The following ALDH1L2 variants were observed in gnomAD, a reference collection of about 807,000 sequenced individuals.
The protein encoded by ALDH1L2 is aldehyde dehydrogenase 1 family member L2, also known as mitochondrial 10-formyltetrahydrofolate dehydrogenase.
ALDH1L2 carries 91 observed loss-of-function variants against 111.0 expected under a neutral mutation model. The ratio of observed to expected loss-of-function variants is 0.82; its 90% CI spans 0.69 to 0.98. The LOEUF is 0.98. Ranked by LOEUF, ALDH1L2 falls within the 50% of genes least tolerant of loss-of-function variation. The probability of loss-of-function intolerance (pLI) is 0.00; values close to 1 mark genes in which losing one functional copy is unlikely to be tolerated. For synonymous variants in ALDH1L2, 374 were observed against 392.6 expected, an observed-to-expected ratio of 0.95 and a Z score of 0.56; for missense variants, 995 against 1,126.8, an observed-to-expected ratio of 0.88 and a Z score of 1.67.
At chr12:105,046,213 ATATATATATTTTTTTT>A (rs1875881054) in intron 15 of ALDH1L2, among the ~76,000 whole-genome samples, 1 of 43,392 alleles carries the variant, frequency 2.3e-5, no homozygotes, top group African/African-American at 1.0e-4. Flanking sequence ...ATATATATAT[ATATATATATTTTTTTT>A]TTTTTTTTTT....
At chr12:105,045,655 CTT>C (rs912959523) in intron 15 of ALDH1L2, among the ~76,000 whole-genome samples, 3 of 152,046 alleles carry the variant, frequency 2.0e-5, no homozygotes, top group South Asian at 2.1e-4. Flanking sequence ...CTCTTTGTAT[CTT>C]TTGAATTTTG....
intron 1 of ALDH1L2, among the ~76,000 whole-genome samples, chr12:105,082,988 C>A (rs1304896846): frequency 2.0e-5 from 3 of 152,300 alleles, no homozygotes; most frequent in Admixed American, 6.5e-5. Context: ...CCATATGCAC[C>A]CCTGCGTACA....
At chr12:105,055,915 C>A (rs1876597262) in intron 10 of ALDH1L2, among the ~76,000 whole-genome samples, 2 of 151,828 alleles carry the variant, frequency 1.3e-5, no homozygotes, top group Non-Finnish European at 2.9e-5. Context: ...TATGGGATAC[C>A]ATCAACTATA....
chr12:105,060,882 C>A, intron 9 of ALDH1L2, 99 bp downstream of exon 9: 11 of 735,784 alleles, frequency 1.5e-5, no homozygotes, highest in Non-Finnish European at 2.0e-5. Flanking sequence ...AAGGTAATCA[C>A]ATCCAGAACA....
At position 105,070,597 on chromosome 12, in the gene ALDH1L2, C is replaced by T. The variant is rs1232694893; in HGVS notation, c.401G>A (p.Arg134Lys). ...ATTGATAGCAGAGGCTCCTCTGTGC[C>T]TGGGCAGGATGGATGGGTGATAAAT... is the stretch of plus-strand genomic sequence containing the variant. ...SIIYHPSILP[R>K]HRGASAINWT... Residue 134 changes from arginine to lysine, a missense_variant, in exon 3 of 23, where the codon AGG becomes AAG. Coordinates refer to ENST00000258494, the MANE Select transcript of ALDH1L2 (RefSeq NM_001034173.4). 1 of 1,613,718 alleles carries T rather than the reference C, an allele frequency of 6.2e-7. No individual in the cohort carries two copies. The highest frequency in any genetic ancestry group is 8.5e-7 in the Non-Finnish European group (1 of 1,179,800).
intron 15 of ALDH1L2, among the ~76,000 whole-genome samples, chr12:105,046,149 TTC>T (rs541003101): frequency 0.01 from 375 of 35,894 alleles, 3 homozygotes; most frequent in Non-Finnish European, 0.011. Flanking sequence ...CTTCTACATC[TTC>T]TCTCTCTCTC....
At chr12:105,034,082 C>A (rs1328343321) in intron 19 of ALDH1L2, among the ~76,000 whole-genome samples, 1 of 152,168 alleles carries the variant, frequency 6.6e-6, no homozygotes, top group Admixed American at 6.5e-5. Context: ...CATTTCCTGT[C>A]CTGCGGGGTT....
chr12:105,062,968 G>T lies in ALDH1L2; in HGVS notation c.841C>A (p.Pro281Thr). Residue 281 changes from proline (P) to threonine (T), a missense_variant, in exon 7 of 23, where the codon CCA becomes ACA. Coordinates refer to ENST00000258494, the MANE Select transcript of ALDH1L2 (RefSeq NM_001034173.4). ...LLNSSVPPGE[P>T]LEIKGAKKPG... The stretch of plus-strand genomic sequence containing the variant: ...TTCTTGGCACCTTTAATTTCCAGTG[G>T]TTCTCCAGGAGGCACAGAGCTATTC... 2 of 1,614,026 alleles carry T rather than the reference G, an allele frequency of 1.2e-6. No individual in the cohort carries two copies. Among genetic ancestry groups the T allele is most frequent in the Non-Finnish European group, 1.7e-6 (2 of 1,180,006 alleles).
chr12:105,075,855 G>A (rs549245436), intron 1 of ALDH1L2, among the ~76,000 whole-genome samples: 3 of 152,192 alleles, frequency 2.0e-5, no homozygotes, highest in East Asian at 1.9e-4. Flanking sequence ...GTGCAATCTC[G>A]GCTCACTGCA....
intron 1 of ALDH1L2, among the ~76,000 whole-genome samples, chr12:105,074,559 C>T (rs1461101108): frequency 1.3e-5 from 2 of 151,860 alleles, no homozygotes; most frequent in Admixed American, 6.6e-5. Flanking sequence ...TTGGCAGTGC[C>T]TCCGCAGAAC....
chr12:105,058,559 C>G (rs888145069), intron 9 of ALDH1L2, among the ~76,000 whole-genome samples: 1 of 152,156 alleles, frequency 6.6e-6, no homozygotes, highest in Non-Finnish European at 1.5e-5. Context: ...GAATAAGAAA[C>G]AAAGACACTT....
Position 105,039,374 on chromosome 12 carries a change from A to T in ALDH1L2, c.2045+339T>A, listed in dbSNP as rs1592772342. ...TAAATAATCCAGGTTTGTCATATAA[A>T]ATATATAAATTTCACATTTATGTAT... is the stretch of plus-strand genomic sequence containing the variant. On this transcript the variant is annotated intron_variant, in intron 17 of 22. Transcript: ENST00000258494. Among the ~76,000 whole-genome samples the T allele has an allele frequency of 2.0e-5, 3 of 152,212 alleles. No individual in the cohort carries two copies. The South Asian group carries it at 6.2e-4, about 32-fold the overall frequency.
intron 12 of ALDH1L2, among the ~76,000 whole-genome samples, chr12:105,050,985 C>T (rs988052293): frequency 1.3e-5 from 2 of 151,948 alleles, no homozygotes; most frequent in East Asian, 1.9e-4. Context: ...GATCTAGGTC[C>T]GATATTGGAT....
At chr12:105,037,890 G>A (rs1476786181) in intron 18 of ALDH1L2, among the ~76,000 whole-genome samples, 4 of 151,502 alleles carry the variant, frequency 2.6e-5, no homozygotes, top group Admixed American at 6.6e-5. Context: ...TCAGCCTCCC[G>A]GGTAGCTGGG....
intron 10 of ALDH1L2, among the ~76,000 whole-genome samples, chr12:105,054,044 AAT>A (rs1297810672): frequency 1.3e-5 from 2 of 152,082 alleles, no homozygotes; most frequent in Non-Finnish European, 2.9e-5. Flanking sequence ...ATACTCTATA[AAT>A]AGGGTAAAAA....
At chr12:105,078,313 G>C (rs950784894) in intron 1 of ALDH1L2, among the ~76,000 whole-genome samples, 1 of 152,138 alleles carries the variant, frequency 6.6e-6, no homozygotes, top group African/African-American at 2.4e-5. Flanking sequence ...AAAAAAATTA[G>C]CTGGGCATGG....
intron 9 of ALDH1L2, 141 bp from the exon 10 acceptor site, chr12:105,058,361 TC>T: frequency 3.8e-6 from 3 of 780,392 alleles, no homozygotes; most frequent in Non-Finnish European, 5.5e-6. Flanking sequence ...TCTGTGATAC[TC>T]ATCAGAGAAA....
Position 105,038,146 on chromosome 12 carries a change from A to T in ALDH1L2, c.2102T>A (p.Leu701His). ...VSLELGGKSPLIIFNDCELDK... is the reference protein window; with the variant it reads ...VSLELGGKSPHIIFNDCELDK... ...AAGTTCACAGTCATTAAATATTATAAGTGGAGACTTGCCACCAAGCTCAAG... is the reference window on the plus strand; with the variant it reads ...AAGTTCACAGTCATTAAATATTATATGTGGAGACTTGCCACCAAGCTCAAG... Residue 701 changes from leucine to histidine, a missense_variant, in exon 18 of 23, where the codon CTT (leucine) becomes CAT (histidine). Transcript: ENST00000258494. The T allele has an allele frequency of 6.2e-7, 1 of 1,613,626 alleles. No homozygotes were observed. The highest frequency in any genetic ancestry group is 8.5e-7 in the Non-Finnish European group (1 of 1,179,738).
intron 21 of ALDH1L2, among the ~76,000 whole-genome samples, chr12:105,029,919 A>G (rs1016221178): frequency 6.6e-6 from 1 of 152,210 alleles, no homozygotes; most frequent in Non-Finnish European, 1.5e-5. Context: ...AAAGTTGAGT[A>G]TCAAGCTTTG....
Sources: gnomAD v4.1 joint callset for allele counts (sites outside exome capture counted in the v4.1 genomes callset) on GRCh38, gnomAD v4.1.1 for gene constraint, MANE v1.5 for transcripts, NCBI Gene and HGNC (gene_info 2026-07-23, HGNC 2026-07-21) for gene names.